The following SERINC2 variants were observed in gnomAD, a reference collection of about 807,000 sequenced individuals.
SERINC2 encodes the protein serine incorporator 2.
A neutral mutation model predicts 54.2 loss-of-function variants in SERINC2; 56 were observed. The ratio of observed to expected loss-of-function variants is 1.03; its 90% CI spans 0.83 to 1.29. The LOEUF (loss-of-function observed/expected upper bound fraction) is 1.29, where lower values mean the gene tolerates loss of function less well. Ranked by LOEUF, SERINC2 falls within the 50% of genes most tolerant of loss-of-function variation. SERINC2 has a pLI of 0.00. For missense variants in SERINC2, 614 were observed against 607.4 expected, an observed-to-expected ratio of 1.01 and a Z score of -0.12; for synonymous variants, 272 against 253.1, an observed-to-expected ratio of 1.07 and a Z score of -0.71.
intron 1 of SERINC2, chr1:31,414,383 C>T: frequency 8.2e-7 from 1 of 1,214,828 alleles, no homozygotes; most frequent in Non-Finnish European, 1.0e-6. Context: ...GCAGCGGCTG[C>T]TGAATCTCGG....
At position 31,434,156 on chromosome 1, in the gene SERINC2, C is replaced by T. The variant is rs782767631; in HGVS notation, c.1325C>T (p.Thr442Ile). Residue 442 changes from threonine (T) to isoleucine (I), a missense_variant, in exon 10 of 10, where the codon ACC becomes ATC. Coordinates refer to ENST00000373709, the MANE Select transcript of SERINC2 (RefSeq NM_178865.5). The stretch of plus-strand genomic sequence containing the variant: ...GCAGGGCTGCTCCTCTACCTGTGGA[C>T]CCTGGTAGCCCCACTCCTCCTGCGC... ...SWAGLLLYLW[T>I]LVAPLLLRNR... The T allele has an allele frequency of 3.2e-5, 51 of 1,613,716 alleles. No homozygotes were observed. The highest frequency in any genetic ancestry group is 2.8e-4 in the Admixed American group (17 of 59,984).
intron 1 of SERINC2, among the ~76,000 whole-genome samples, chr1:31,415,556 G>GTA (rs1265421616): frequency 1.3e-5 from 2 of 152,146 alleles, no homozygotes; most frequent in African/African-American, 4.8e-5. Flanking sequence ...GTATGTGTGT[G>GTA]TATATATATA....
intron 1 of SERINC2, among the ~76,000 whole-genome samples, chr1:31,416,615 C>T (rs1365118865): frequency 6.6e-6 from 1 of 152,196 alleles, no homozygotes. Flanking sequence ...TTGCCTGGGC[C>T]AGTTTTGCAT....
In SERINC2 at chr1:31,425,530, C is replaced by T. The variant is rs1244859242; in HGVS notation, c.472+121C>T. 13 of 907,032 alleles carry T rather than the reference C, an allele frequency of 1.4e-5. No individual in the cohort carries two copies. In the East Asian group the frequency reaches 2.6e-4, roughly 18 times the overall value. The allele number at this position is 907,032 out of a possible 1,614,324, so 56.2% of individuals were successfully genotyped here. On this transcript the variant is annotated intron_variant, in intron 4 of 9. Transcript: ENST00000373709. Reference sequence around the variant, plus strand: ...ACAGACCCCTGGCTGCTGGCTAGGTCCTCGCTCCCCACCCGTGAGACAGCA... The same window carrying T: ...ACAGACCCCTGGCTGCTGGCTAGGTTCTCGCTCCCCACCCGTGAGACAGCA...
At chr1:31,410,780 C>T (rs554669676), upstream of SERINC2, among the ~76,000 whole-genome samples, 3 of 152,280 alleles carry the variant, frequency 2.0e-5, no homozygotes, top group South Asian at 6.2e-4. Context: ...ACAAGAATCC[C>T]AGGGGTTGAT....
At position 31,433,036 on chromosome 1, in the gene SERINC2, C is replaced by G. The variant is rs201239431; in HGVS notation, c.1083C>G (p.Asp361Glu). 3.9e-6 allele frequency: 6 copies of G among 1,532,878 alleles called. No homozygotes were observed. Among genetic ancestry groups the G allele is most frequent in the Non-Finnish European group, 5.2e-6 (6 of 1,143,822 alleles). The allele number at this position is 1,532,878 out of a possible 1,614,324, so 95.0% of individuals were successfully genotyped here. A position where few individuals can be genotyped will look rare whatever the true frequency, so the allele number is the denominator to read the frequency against. ...CCGAGGAGTGCCCACCTATGCTAGACGCCACACAGCAGCAGCAGCAGGTGG... is the reference window on the plus strand; with the variant it reads ...CCGAGGAGTGCCCACCTATGCTAGAGGCCACACAGCAGCAGCAGCAGGTGG... ...MQTEECPPML[D>E]ATQQQQQVAA... is the part of the protein sequence containing the mutation. Residue 361 changes from aspartate (D) to glutamate (E), a missense_variant, in exon 9 of 10, where the codon GAC (aspartate) becomes GAG (glutamate). By Grantham distance (45) the Asp-to-Glu change is conservative. Transcript: ENST00000373709.
chr1:31,429,373 G>A (rs1242077777), intron 7 of SERINC2, 24 bp from the exon 8 acceptor site: 3 of 1,599,786 alleles, frequency 1.9e-6, no homozygotes, highest in South Asian at 2.3e-5. Flanking sequence ...CATGGGCTGA[G>A]GGTGATTGTG....
intron 1 of SERINC2, among the ~76,000 whole-genome samples, chr1:31,416,511 A>G (rs1431269611): frequency 6.6e-6 from 1 of 152,180 alleles, no homozygotes; most frequent in Non-Finnish European, 1.5e-5. Context: ...ACCTTGGGAC[A>G]TTTCCGGCTG....
intron 5 of SERINC2, 98 bp downstream of exon 5, chr1:31,426,011 G>A: frequency 7.6e-7 from 1 of 1,319,304 alleles, no homozygotes; most frequent in Non-Finnish European, 1.0e-6. Flanking sequence ...ATAAAACTGG[G>A]GGGCATCCCT....
intron 1 of SERINC2, among the ~76,000 whole-genome samples, chr1:31,418,439 C>T (rs1275988420): frequency 2.0e-5 from 3 of 151,860 alleles, no homozygotes; most frequent in Non-Finnish European, 2.9e-5. Context: ...TGTATTGGCG[C>T]GATTCAGCTC....
chr1:31,424,715 C>T lies in SERINC2; in HGVS notation c.234C>T (p.Ile78=), dbSNP rs782800760. The T allele has an allele frequency of 1.3e-5, 21 of 1,606,356 alleles. 1 individual carries two copies. The South Asian group carries it at 1.7e-4, about 13-fold the overall frequency. Residue 78 remains isoleucine, a synonymous_variant, in exon 3 of 10, where the codon ATC becomes ATT. Transcript: ENST00000373709. ...LPWVCEEGAG[I]PTVLQGHIDC... is the part of the protein sequence containing the mutation. Reference sequence around the variant, plus strand: ...GGGTGTGTGAGGAGGGGGCCGGGATCCCCACCGTCCTGCAGGGCCACATCG... The same window carrying T: ...GGGTGTGTGAGGAGGGGGCCGGGATTCCCACCGTCCTGCAGGGCCACATCG...
At chr1:31,411,227 T>A (rs562437617), upstream of SERINC2, among the ~76,000 whole-genome samples, 1 of 152,156 alleles carries the variant, frequency 6.6e-6, no homozygotes, top group South Asian at 2.1e-4. Flanking sequence ...GAAGACTAGA[T>A]ATTGTCACCT....
intron 1 of SERINC2, among the ~76,000 whole-genome samples, chr1:31,421,190 G>T (rs115620061): frequency 1.3e-5 from 2 of 152,144 alleles, no homozygotes; most frequent in African/African-American, 4.8e-5. Flanking sequence ...TCCAAGTTGC[G>T]TGCTTCTTAT....
upstream of SERINC2, chr1:31,409,779 T>C (rs1640618838): frequency 6.5e-7 from 1 of 1,528,054 alleles, no homozygotes; most frequent in Non-Finnish European, 8.9e-7. Context: ...TAGAGGCCAG[T>C]ACAGACAGCG....
intron 6 of SERINC2, among the ~76,000 whole-genome samples, chr1:31,427,719 A>G (rs1020178801): frequency 1.5e-4 from 23 of 152,162 alleles, no homozygotes; most frequent in Non-Finnish European, 2.6e-4. Context: ...TGAGGAAACA[A>G]AGGCTTAGAG....
In SERINC2 at chr1:31,413,720, G is replaced by A; in HGVS notation, c.39+416G>A. ...CCCTGGTTCTCTGTGTAGGTCGCCC[G>A]GGCCCCGTCCCTCCTGGCGAGTGCC... On this transcript the variant is annotated intron_variant, in intron 1 of 9. Transcript: ENST00000373709. This position sits in a 1 kb window ranked among gnomAD's most constrained non-coding sequence, Gnocchi z 5.0. The A allele has an allele frequency of 7.9e-7, 1 of 1,260,428 alleles. No individual in the cohort carries two copies. The highest frequency in any genetic ancestry group is 1.0e-6 in the Non-Finnish European group (1 of 1,000,948). The allele number at this position is 1,260,428 out of a possible 1,614,324, so 78.1% of individuals were successfully genotyped here. A position where few individuals can be genotyped will look rare whatever the true frequency, so the allele number is the denominator to read the frequency against.
In SERINC2 at chr1:31,433,034, G is replaced by C; in HGVS notation, c.1081G>C (p.Asp361His). 1 of 1,542,112 alleles carries C rather than the reference G, an allele frequency of 6.5e-7. No homozygotes were observed. The highest frequency in any genetic ancestry group is 1.8e-5 in the African/African-American group (1 of 54,172). ...MQTEECPPMLDATQQQQQVAA... is the reference protein window; with the variant it reads ...MQTEECPPMLHATQQQQQVAA... ...GACCGAGGAGTGCCCACCTATGCTA[G>C]ACGCCACACAGCAGCAGCAGCAGGT... Residue 361 changes from aspartate (D) to histidine (H), a missense_variant, in exon 9 of 10, where the codon GAC (aspartate) becomes CAC (histidine). Asp to His is a moderately conservative substitution (Grantham distance 81). Transcript: ENST00000373709.
rs782093732 is a variant in SERINC2 at position 31,424,907 on chromosome 1, C to T, written c.392+34C>T. ...GGGGTCCCTGCCTGCACCCTGGGACCTTCCCCCAGTGCCTTGCCCGCTCCT... is the reference window on the plus strand; with the variant it reads ...GGGGTCCCTGCCTGCACCCTGGGACTTTCCCCCAGTGCCTTGCCCGCTCCT... On this transcript the variant is annotated intron_variant, in intron 3 of 9. Coordinates refer to ENST00000373709, the MANE Select transcript of SERINC2 (RefSeq NM_178865.5). The T allele has an allele frequency of 5.7e-6, 9 of 1,570,484 alleles. No homozygotes were observed. In the South Asian group the frequency reaches 1.0e-4, roughly 18 times the overall value.
In SERINC2 at chr1:31,413,638, C is replaced by A. The variant is rs1324096042; in HGVS notation, c.39+334C>A. 6.6e-6 allele frequency among the ~76,000 whole-genome samples: 1 copy of A among 151,960 alleles called. No individual in the cohort carries two copies. Among genetic ancestry groups the A allele is most frequent in the Non-Finnish European group, 1.5e-5 (1 of 67,964 alleles). ...CCCGGGGTCGGGGCAGCTCTGTGGGCCCTCGTCGCCCCACTTGGGGCGGTC... is the reference window on the plus strand; with the variant it reads ...CCCGGGGTCGGGGCAGCTCTGTGGGACCTCGTCGCCCCACTTGGGGCGGTC... On this transcript the variant is annotated intron_variant, in intron 1 of 9. Coordinates refer to ENST00000373709, the MANE Select transcript of SERINC2 (RefSeq NM_178865.5). This position sits in a 1 kb window ranked among gnomAD's most constrained non-coding sequence, Gnocchi z 5.0.
Sources: gnomAD v4.1 joint callset for allele counts (sites outside exome capture counted in the v4.1 genomes callset) on GRCh38, gnomAD v4.1.1 for gene constraint, Gnocchi (gnomAD v3.1) non-coding constraint, MANE v1.5 for transcripts, NCBI Gene and HGNC (gene_info 2026-07-23, HGNC 2026-07-21) for gene names.